KLHL29: variants seen among roughly 807,000 people sequenced by gnomAD.
The protein encoded by KLHL29 is kelch-like protein 29.
KLHL29 carries 21 observed loss-of-function variants against 80.4 expected under a neutral mutation model. The observed-to-expected ratio is 0.26, with a 90% confidence interval of 0.19 to 0.38. The LOEUF is 0.38. KLHL29 is among the 10% of genes least tolerant of loss of function. KLHL29 has a pLI of 1.00. For missense variants in KLHL29, 867 were observed against 1,223.9 expected (o/e 0.71, Z 4.35); for synonymous variants, 511 against 526.8 (o/e 0.97, Z 0.41).
chr2:23,691,943 A>G (rs1439797697), intron 7 of KLHL29, 67 bp downstream of exon 7: 1 of 1,469,064 alleles, frequency 6.8e-7, no homozygotes, highest in Non-Finnish European at 9.2e-7. Flanking sequence ...CTCCATAAAC[A>G]GCAAGGACTG....
intron 3 of KLHL29, among the ~76,000 whole-genome samples, chr2:23,621,176 C>CCAGCAG (rs201529828): frequency 2.0e-5 from 3 of 152,008 alleles, no homozygotes; most frequent in Admixed American, 6.6e-5. Context: ...CAGTTCTCAC[C>CCAGCAG]CAGCAGCAGC....
chr2:23,639,911 T>C (rs1669719547), intron 4 of KLHL29, among the ~76,000 whole-genome samples: 1 of 152,110 alleles, frequency 6.6e-6, no homozygotes. Flanking sequence ...CCACAGCCCA[T>C]AGATTCCAGG....
chr2:23,662,874 G>A (rs765609468), intron 5 of KLHL29, among the ~76,000 whole-genome samples: 1 of 152,196 alleles, frequency 6.6e-6, no homozygotes, highest in Non-Finnish European at 1.5e-5. Context: ...ACACAGCGGT[G>A]GGTTGAAAGC....
At chr2:23,551,397 A>T (rs912505902) in intron 2 of KLHL29, among the ~76,000 whole-genome samples, 1 of 152,120 alleles carries the variant, frequency 6.6e-6, no homozygotes, top group Non-Finnish European at 1.5e-5. Context: ...CTCAAAGCAA[A>T]GGTGCACATG....
intron 3 of KLHL29, among the ~76,000 whole-genome samples, chr2:23,578,276 C>A (rs1667892628): frequency 6.6e-6 from 1 of 152,206 alleles, no homozygotes; most frequent in Non-Finnish European, 1.5e-5. Flanking sequence ...CACCTCTTGG[C>A]CTGCACAGCG....
intron 1 of KLHL29, among the ~76,000 whole-genome samples, chr2:23,435,492 C>A (rs529322906): frequency 6.6e-6 from 1 of 152,002 alleles, no homozygotes; most frequent in Admixed American, 6.6e-5. Context: ...ACAGTCATAG[C>A]GTGACAAAGA....
chr2:23,472,093 C>T (rs1572341915), intron 1 of KLHL29, among the ~76,000 whole-genome samples: 1 of 110,476 alleles, frequency 9.1e-6, no homozygotes, highest in Non-Finnish European at 1.6e-5. Flanking sequence ...CCAAAAGATA[C>T]TGTCTATTAA....
At chr2:23,698,778 CCTT>C (rs988023773) in intron 11 of KLHL29, among the ~76,000 whole-genome samples, 22 of 152,098 alleles carry the variant, frequency 1.4e-4, no homozygotes, top group Non-Finnish European at 2.4e-4. Context: ...ATTAGCATAT[CCTT>C]CTCAAGCAGG....
At chr2:23,458,778 A>G (rs1664132293) in intron 1 of KLHL29, among the ~76,000 whole-genome samples, 1 of 152,192 alleles carries the variant, frequency 6.6e-6, no homozygotes, top group Non-Finnish European at 1.5e-5. Flanking sequence ...GCCAGTGGTC[A>G]TAGCGGAGAG....
chr2:23,655,578 T>C (rs997838548), intron 5 of KLHL29, among the ~76,000 whole-genome samples: 3 of 152,158 alleles, frequency 2.0e-5, no homozygotes, highest in Admixed American at 6.5e-5. Context: ...ATTCCCCAAA[T>C]CGGCATAAAT....
intron 2 of KLHL29, among the ~76,000 whole-genome samples, chr2:23,490,810 TG>T (rs1665076477): frequency 6.6e-6 from 1 of 152,186 alleles, no homozygotes; most frequent in Non-Finnish European, 1.5e-5. Flanking sequence ...AACCCCCCCA[TG>T]CCAGCTGCTA....
chr2:23,650,714 G>C (rs74479642), intron 5 of KLHL29, among the ~76,000 whole-genome samples: 5,693 of 152,302 alleles, frequency 0.037, 144 homozygotes, highest in Non-Finnish European at 0.051. Flanking sequence ...ACCTGTGCAC[G>C]CCGCTTTCTC....
chr2:23,597,118 T>C (rs140437603), intron 3 of KLHL29, among the ~76,000 whole-genome samples: 1 of 152,100 alleles, frequency 6.6e-6, no homozygotes, highest in East Asian at 1.9e-4. Context: ...AAGACTGTCT[T>C]TTAAAAAGGT....
At chr2:23,615,219 T>C (rs1372914098) in intron 3 of KLHL29, among the ~76,000 whole-genome samples, 1 of 152,216 alleles carries the variant, frequency 6.6e-6, no homozygotes, top group Non-Finnish European at 1.5e-5. Flanking sequence ...GGCTTTGTTA[T>C]TAGCATTTTG....
At chr2:23,703,453 G>A in intron 12 of KLHL29, 74 bp downstream of exon 12, 1 of 1,311,174 alleles carries the variant, frequency 7.6e-7, no homozygotes, top group Non-Finnish European at 1.0e-6. Context: ...AGTATCCCAT[G>A]CCCAGAAGTC....
intron 1 of KLHL29, among the ~76,000 whole-genome samples, chr2:23,437,940 G>A (rs1319473609): frequency 6.7e-6 from 1 of 149,920 alleles, no homozygotes; most frequent in Non-Finnish European, 1.5e-5. Context: ...TCCTACCCAT[G>A]AGCATGGAAT....
At chr2:23,462,205 A>T (rs1255518667) in intron 1 of KLHL29, among the ~76,000 whole-genome samples, 1 of 152,122 alleles carries the variant, frequency 6.6e-6, no homozygotes, top group Non-Finnish European at 1.5e-5. Flanking sequence ...ATATGTATGT[A>T]GGCTTTTAAA....
At chr2:23,536,654 G>T (rs746297425) in intron 2 of KLHL29, among the ~76,000 whole-genome samples, 4 of 152,162 alleles carry the variant, frequency 2.6e-5, no homozygotes, top group African/African-American at 7.2e-5. Flanking sequence ...AATACTGCTG[G>T]ATTCTTGAGT....
chr2:23,485,848 G>C (rs1192104417), intron 2 of KLHL29, among the ~76,000 whole-genome samples: 1 of 152,158 alleles, frequency 6.6e-6, no homozygotes, highest in Non-Finnish European at 1.5e-5. Flanking sequence ...TTTTCTGGTG[G>C]TTGTAAGGAC....
Sources: gnomAD v4.1 joint callset for allele counts (sites outside exome capture counted in the v4.1 genomes callset) on GRCh38, gnomAD v4.1.1 for gene constraint, MANE v1.5 for transcripts, NCBI Gene and HGNC (gene_info 2026-07-23, HGNC 2026-07-21) for gene names.